RNF145: variants seen among roughly 807,000 people sequenced by gnomAD.
RNF145 encodes ring finger protein 145.
A neutral mutation model predicts 57.3 loss-of-function variants in RNF145; 12 were observed. The ratio of observed to expected loss-of-function variants is 0.21; its 90% CI spans 0.13 to 0.34. The LOEUF (loss-of-function observed/expected upper bound fraction) is 0.34. Among genes scored for constraint, RNF145 ranks in the 10% least tolerant of loss-of-function variants. RNF145 has a pLI of 1.00. For synonymous variants in RNF145, 262 were observed against 288.3 expected, an observed-to-expected ratio of 0.91 and a Z score of 0.92; for missense variants, 429 against 799.0, an observed-to-expected ratio of 0.54 and a Z score of 5.58.
rs528898634 is a variant in RNF145 at position 159,195,360 on chromosome 5, G to A, written c.185-536C>T. Among the ~76,000 whole-genome samples the A allele has an allele frequency of 5.3e-5, 8 of 151,952 alleles. No homozygotes were observed. The East Asian group carries it at 1.2e-3, about 22-fold the overall frequency. On this transcript the variant is annotated intron_variant, in intron 2 of 10. Transcript: ENST00000424310. ...AAAAAAATAAACTTCTTTTCACTGC[G>A]ATTTTTTTCCTATTATTTTTCTCAT... is the stretch of plus-strand genomic sequence containing the variant.
In RNF145 at chr5:159,209,504, T is replaced by TCGGCGTCGGCGGCGGCGGCGGCGGCGG. The variant is rs1554148176; in HGVS notation, c.-314_-313insCCGCCGCCGCCGCCGCCGCCGACGCCG. ...AGCCCCTTAGCAGCCGGCGCCGGCG[T>TCGGCGTCGGCGGCGGCGGCGGCGGCGG]CGGCGGCCATGGCCTCCTGCGTTTG... On this transcript the variant is annotated 5_prime_UTR_variant, in exon 1 of 11. Transcript: ENST00000424310. 1.1e-6 allele frequency: 1 copy of TCGGCGTCGGCGGCGGCGGCGGCGGCGG among 944,594 alleles called. No individual in the cohort carries two copies. Among genetic ancestry groups the TCGGCGTCGGCGGCGGCGGCGGCGGCGG allele is most frequent in the African/African-American group, 1.8e-5 (1 of 55,764 alleles). 58.5% of individuals were successfully genotyped at this position (944,594 alleles called of 1,614,324 possible).
intron 2 of RNF145, among the ~76,000 whole-genome samples, chr5:159,198,168 G>A (rs1292080028): frequency 6.6e-6 from 1 of 152,088 alleles, no homozygotes; most frequent in Non-Finnish European, 1.5e-5. Flanking sequence ...CACGAGCCCA[G>A]AAGGTTGATG....
At chr5:159,199,422 AGTGGT>A (rs2113228098) in intron 2 of RNF145, among the ~76,000 whole-genome samples, 1 of 152,196 alleles carries the variant, frequency 6.6e-6, no homozygotes, top group South Asian at 2.1e-4. Context: ...AGAAAGAGGA[AGTGGT>A]AAACAGCTCC....
chr5:159,199,506 T>C (rs1361591508), intron 2 of RNF145, among the ~76,000 whole-genome samples: 1 of 152,218 alleles, frequency 6.6e-6, no homozygotes, highest in African/African-American at 2.4e-5. Context: ...AAGTCACTAA[T>C]GATTTTAGTG....
intron 5 of RNF145, among the ~76,000 whole-genome samples, chr5:159,174,648 T>C (rs143327643): frequency 1.1e-3 from 170 of 152,276 alleles, no homozygotes; most frequent in African/African-American, 3.8e-3. Context: ...GAAAAAAATT[T>C]TGCAGAGCAA....
chr5:159,181,991 G>A lies in RNF145; in HGVS notation c.354C>T (p.Leu118=), dbSNP rs768789062. Residue 118 remains leucine (L), a synonymous_variant, in exon 4 of 11, where the codon CTC becomes CTT. Transcript: ENST00000424310. ...AGGCTGTGGTAAACCGATTCATAGA[G>A]AGAGGTTCTAAATACATTGGTCCCT... is the stretch of plus-strand genomic sequence containing the variant. The part of the protein sequence containing the change: ...AYEGPMYLEP[L]SMNRFTTALI... 2 of 1,608,354 alleles carry A rather than the reference G, an allele frequency of 1.2e-6. No individual in the cohort carries two copies. Among genetic ancestry groups the A allele is most frequent in the East Asian group, 2.2e-5 (1 of 44,770 alleles).
intron 1 of RNF145, chr5:159,207,979 T>A: frequency 6.3e-7 from 1 of 1,575,560 alleles, no homozygotes; most frequent in Non-Finnish European, 8.6e-7. Context: ...AACTGCACAC[T>A]CCGTATTTTA....
At chr5:159,175,887 A>G (rs1784705991) in intron 5 of RNF145, among the ~76,000 whole-genome samples, 2 of 152,176 alleles carry the variant, frequency 1.3e-5, no homozygotes, top group Admixed American at 1.3e-4. Context: ...CTCTTTTTAT[A>G]CCAATGTCAG....
intron 6 of RNF145, among the ~76,000 whole-genome samples, 173 bp from the exon 7 acceptor site, chr5:159,169,992 T>C (rs1230195993): frequency 2.0e-5 from 3 of 152,218 alleles, no homozygotes; most frequent in African/African-American, 2.4e-5. Flanking sequence ...AACCATCTTA[T>C]TCACCTTCAA....
intron 2 of RNF145, among the ~76,000 whole-genome samples, chr5:159,201,657 C>A (rs1024409656): frequency 1.3e-5 from 2 of 152,066 alleles, no homozygotes; most frequent in Non-Finnish European, 2.9e-5. Context: ...ACATCACAAA[C>A]AAAAACCATG....
chr5:159,170,932 G>T (rs1364936398), intron 6 of RNF145, among the ~76,000 whole-genome samples: 1 of 152,178 alleles, frequency 6.6e-6, no homozygotes, highest in South Asian at 2.1e-4. Flanking sequence ...TTTCAAAGAA[G>T]AATTTCACTG....
intron 1 of RNF145, among the ~76,000 whole-genome samples, chr5:159,204,633 G>A (rs778796336): frequency 2.0e-5 from 3 of 151,884 alleles, no homozygotes; most frequent in Admixed American, 1.3e-4. Context: ...GTGAAACTCC[G>A]TCTGTACTAA....
At chr5:159,209,575 G>A (rs1191593099), upstream of RNF145, 6 of 1,013,628 alleles carry the variant, frequency 5.9e-6, no homozygotes, top group African/African-American at 6.9e-5. Context: ...CCCGACTTCC[G>A]CACTCTGCGC....
rs10077526 is a variant in RNF145 at position 159,186,393 on chromosome 5, T to C, written c.294-4342A>G. Among the ~76,000 whole-genome samples, 129 of 152,360 alleles carry C rather than the reference T, an allele frequency of 8.5e-4. 1 individual carries two copies. Among genetic ancestry groups the C allele is most frequent in the African/African-American group, 3.1e-3 (127 of 41,582 alleles). On this transcript the variant is annotated intron_variant, in intron 3 of 10. Coordinates refer to ENST00000424310, the MANE Select transcript of RNF145 (RefSeq NM_001199383.2). ...AAAGACCTTTATTATAACAGTCTCT[T>C]CAGCGACCTGACTCAGACACTGGAC... is the stretch of plus-strand genomic sequence containing the variant.
At chr5:159,187,926 G>A (rs996098581) in intron 3 of RNF145, among the ~76,000 whole-genome samples, 3 of 152,134 alleles carry the variant, frequency 2.0e-5, no homozygotes, top group Non-Finnish European at 4.4e-5. Flanking sequence ...GTCACTCTTG[G>A]GGAAGTTTTT....
chr5:159,207,651 G>A, intron 1 of RNF145: 2 of 1,610,246 alleles, frequency 1.2e-6, no homozygotes, highest in South Asian at 2.2e-5. Flanking sequence ...CCAGAACTGA[G>A]ATACCAGGAA....
chr5:159,169,845 C>A, intron 6 of RNF145, 26 bp from the exon 7 acceptor site: 1 of 1,572,200 alleles, frequency 6.4e-7, no homozygotes, highest in Admixed American at 1.9e-5. Flanking sequence ...GGGAAATTAA[C>A]AGACATAAAC....
Position 159,169,781 on chromosome 5 carries a change from C to T in RNF145, c.836G>A (p.Gly279Asp), listed in dbSNP as rs1784489078. The T allele has an allele frequency of 6.2e-7, 1 of 1,612,754 alleles. No homozygotes were observed. The highest frequency in any genetic ancestry group is 8.5e-7 in the Non-Finnish European group (1 of 1,179,416). The change falls in exon 7 of 11, where the codon GGT becomes GAT. Residue 279 changes from glycine to aspartate, a missense_variant. Around this residue, in one of 4 missense-constraint regions of RNF145, gnomAD observed 216 missense variants for 457.6 expected, o/e 0.47. Transcript: ENST00000424310. ...AACAAAAGAAACCGTGAAGACCAAA[C>T]CCAAAAGAGAGTAAGGAGTGCTGCA... ...ECCSTPYSLL[G>D]LVFTVSFVAL...
At chr5:159,190,426 C>T (rs1353390989) in intron 3 of RNF145, among the ~76,000 whole-genome samples, 1 of 152,008 alleles carries the variant, frequency 6.6e-6, no homozygotes, top group Non-Finnish European at 1.5e-5. Flanking sequence ...TGACTCATAC[C>T]TGTAATCCCA....
Sources: allele counts gnomAD v4.1 joint callset (sites outside exome capture counted in the v4.1 genomes callset), GRCh38; gene constraint gnomAD v4.1.1; regional missense constraint gnomAD v4.1.1; transcripts MANE v1.5; gene names NCBI Gene and HGNC (gene_info 2026-07-23, HGNC 2026-07-21).